The following COIL variants were observed in gnomAD, a reference collection of about 807,000 sequenced individuals.
The protein encoded by COIL is coilin.
Under a neutral mutation model 51.6 loss-of-function variants are expected in COIL, and 28 were observed. The ratio of observed to expected loss-of-function variants is 0.54; its 90% CI spans 0.40 to 0.74. The LOEUF (loss-of-function observed/expected upper bound fraction) is 0.74, where lower values mean the gene tolerates loss of function less well. Among genes scored for constraint, COIL ranks in the 30% least tolerant of loss-of-function variants. The pLI is 0.00. For synonymous variants in COIL, 233 were observed against 255.8 expected (o/e 0.91, Z 0.85); for missense variants, 667 against 685.9 (o/e 0.97, Z 0.31).
At chr17:56,956,887 C>A (rs1046587015) in intron 1 of COIL, among the ~76,000 whole-genome samples, 4 of 152,134 alleles carry the variant, frequency 2.6e-5, no homozygotes, top group Admixed American at 1.3e-4. Context: ...AGACATGGCG[C>A]CCAGCCTTCA....
intron 5 of COIL, among the ~76,000 whole-genome samples, 192 bp from the exon 6 acceptor site, chr17:56,942,315 G>C (rs1303011143): frequency 2.6e-5 from 4 of 152,052 alleles, no homozygotes; most frequent in Non-Finnish European, 5.9e-5. Flanking sequence ...TGGACCAGGG[G>C]GACTTCTCAG....
intron 1 of COIL, among the ~76,000 whole-genome samples, chr17:56,959,236 C>G (rs752967998): frequency 3.3e-5 from 5 of 151,856 alleles, no homozygotes; most frequent in African/African-American, 1.2e-4. Context: ...CCCAACTACT[C>G]GGGAGGCTGA....
chr17:56,950,718 T>C lies in COIL; in HGVS notation c.524A>G (p.Asp175Gly). Residue 175 changes from aspartate to glycine, a missense_variant, in exon 2 of 7, where the codon GAT (aspartate) becomes GGT (glycine). Coordinates refer to ENST00000240316, the MANE Select transcript of COIL (RefSeq NM_004645.3). Reference protein sequence around the residue: ...KNKATCGTVGDDNEEAKRKSP... With the variant: ...KNKATCGTVGGDNEEAKRKSP... ...TTTTCTTTTGGCCTCTTCGTTATCA[T>C]CACCCACTGTGCCACAGGTTGCTTT... The C allele has an allele frequency of 6.2e-7, 1 of 1,613,384 alleles. No individual in the cohort carries two copies. Among genetic ancestry groups the C allele is most frequent in the Non-Finnish European group, 8.5e-7 (1 of 1,179,928 alleles).
At chr17:56,959,867 T>C (rs145337676) in intron 1 of COIL, among the ~76,000 whole-genome samples, 2 of 152,240 alleles carry the variant, frequency 1.3e-5, no homozygotes, top group African/African-American at 4.8e-5. Flanking sequence ...CATCAGGGAT[T>C]TTCCAAGTTT....
intron 1 of COIL, among the ~76,000 whole-genome samples, chr17:56,955,326 A>G (rs1285125269): frequency 6.6e-6 from 1 of 152,160 alleles, no homozygotes; most frequent in Non-Finnish European, 1.5e-5. Context: ...GCCTCCCAAA[A>G]GTGTTAGCAT....
At chr17:56,943,349 T>G (rs953343736) in intron 5 of COIL, among the ~76,000 whole-genome samples, 1 of 152,228 alleles carries the variant, frequency 6.6e-6, no homozygotes, top group Admixed American at 6.5e-5. Context: ...CTTTCCTCAT[T>G]TATGTCAATA....
chr17:56,940,610 T>C (rs1738543469), intron 6 of COIL, among the ~76,000 whole-genome samples: 1 of 152,162 alleles, frequency 6.6e-6, no homozygotes, highest in Admixed American at 6.5e-5. Context: ...TCCCTAAAAG[T>C]GTCATCTACC....
chr17:56,949,315 T>C, intron 4 of COIL, 72 bp downstream of exon 4: 1 of 1,208,520 alleles, frequency 8.3e-7, no homozygotes, highest in Middle Eastern at 2.0e-4. Context: ...GTATTATCCA[T>C]ACAAGTAGTA....
rs771370215 is a variant in COIL at position 56,949,649 on chromosome 17, T to A, written c.1440+32A>T. 16 of 1,583,660 alleles carry A rather than the reference T, an allele frequency of 1.0e-5. 1 individual carries two copies. The South Asian group carries it at 1.7e-4, about 16-fold the overall frequency. On this transcript the variant is annotated intron_variant, in intron 3 of 6. Transcript: ENST00000240316. ...AGTTTATTTGGAAGGGGAATGAACC[T>A]TTTTTGCTGTGACTGTTCTTTTGAA...
Position 56,950,844 on chromosome 17 carries a change from C to T in COIL, c.398G>A (p.Trp133Ter). The T allele has an allele frequency of 6.2e-7, 1 of 1,613,984 alleles. No homozygotes were observed. Among genetic ancestry groups the T allele is most frequent in the African/African-American group, 1.3e-5 (1 of 75,018 alleles). ...EPDCKYSKKH[W>*]KSRENNNNNE... ...ATTGTTATTGTTCTCTCGACTCTTC[C>T]AATGCTTCTTTGAATATTTGCAATC... The change falls in exon 2 of 7, where the codon TGG (tryptophan) becomes TAG (stop). Residue 133 changes from tryptophan to a stop codon, truncating the protein, a stop_gained. Coordinates refer to ENST00000240316, the MANE Select transcript of COIL (RefSeq NM_004645.3). LOFTEE classifies it high-confidence loss of function.
chr17:56,951,313 C>T, intron 1 of COIL: 1 of 223,732 alleles, frequency 4.5e-6, no homozygotes, highest in Admixed American at 5.5e-5. Context: ...ACAGCTCAGA[C>T]AAGTTACTTG....
intron 4 of COIL, among the ~76,000 whole-genome samples, chr17:56,948,693 CT>C (rs1445596822): frequency 3.3e-5 from 5 of 151,028 alleles, no homozygotes; most frequent in Non-Finnish European, 7.4e-5. Flanking sequence ...TTTTACTGAA[CT>C]ATGAAAAACC....
chr17:56,960,537 T>TA (rs71363871), intron 1 of COIL, among the ~76,000 whole-genome samples: 9,309 of 149,358 alleles, frequency 0.062, 388 homozygotes, highest in East Asian at 0.16. Flanking sequence ...AAAAAAAAAA[T>TA]AATAATAAAA....
intron 1 of COIL, among the ~76,000 whole-genome samples, chr17:56,958,427 C>G (rs1365718179): frequency 6.6e-6 from 1 of 152,204 alleles, no homozygotes; most frequent in Non-Finnish European, 1.5e-5. Context: ...CAAAGACGAA[C>G]TTTCCAGATT....
rs746762624 is a variant in COIL at position 56,960,914 on chromosome 17, G to A, written c.106C>T (p.Arg36Ter). ...AGACTAATGAGATCTGTGACGACTCGGCATCTGTTCAAGTCGACCAGAAGC... is the reference window on the plus strand; with the variant it reads ...AGACTAATGAGATCTGTGACGACTCAGCATCTGTTCAAGTCGACCAGAAGC... Reference protein sequence around the residue: ...FWLLVDLNRCRVVTDLISLIR... With the variant: ...FWLLVDLNRC The change falls in exon 1 of 7, where the codon CGA (arginine) becomes TGA (stop). Residue 36 changes from arginine to a stop codon, truncating the protein, a stop_gained. Coordinates refer to ENST00000240316, the MANE Select transcript of COIL (RefSeq NM_004645.3). LOFTEE classifies it high-confidence loss of function. 3 of 1,614,062 alleles carry A rather than the reference G, an allele frequency of 1.9e-6. No homozygotes were observed. The highest frequency in any genetic ancestry group is 3.3e-5 in the Admixed American group (2 of 60,006).
In COIL at chr17:56,952,350, C is replaced by T. The variant is rs929749373; in HGVS notation, c.246-1354G>A. The T allele has an allele frequency of 2.3e-5, 10 of 439,968 alleles. 1 individual carries two copies. The highest frequency in any genetic ancestry group is 8.1e-4 in the Middle Eastern group (1 of 1,234). 27.3% of individuals were successfully genotyped at this position (439,968 alleles called of 1,614,324 possible). On this transcript the variant is annotated intron_variant, in intron 1 of 6. Transcript: ENST00000240316. Reference sequence around the variant, plus strand: ...CAACCTCGGCTGGCATCATAGACCACGAAGAAGCAAGACGAAAACACATAG... The same window carrying T: ...CAACCTCGGCTGGCATCATAGACCATGAAGAAGCAAGACGAAAACACATAG...
At chr17:56,945,826 C>G (rs1264854461) in intron 5 of COIL, among the ~76,000 whole-genome samples, 1 of 152,224 alleles carries the variant, frequency 6.6e-6, no homozygotes, top group Admixed American at 6.5e-5. Context: ...AGCGATTCTC[C>G]TGCCTCAACC....
rs754286343 is a variant in COIL at position 56,950,938 on chromosome 17, T to C, written c.304A>G (p.Ile102Val). The part of the protein sequence containing the change: ...ENSVVISNGD[I>V]NLSLRKAKKR... ...TTTGCTTTTCTAAGAGATAAATTAA[T>C]GTCACCATTACTGATGACTACAGAA... is the stretch of plus-strand genomic sequence containing the variant. The change falls in exon 2 of 7, where the codon ATT becomes GTT. Residue 102 changes from isoleucine to valine, a missense_variant. By Grantham distance (29) the Ile-to-Val change is conservative. Transcript: ENST00000240316. 2 of 1,612,890 alleles carry C rather than the reference T, an allele frequency of 1.2e-6. No homozygotes were observed. The highest frequency in any genetic ancestry group is 1.1e-5 in the South Asian group (1 of 91,058).
chr17:56,960,890 G>A lies in COIL; in HGVS notation c.130C>T (p.Leu44Phe), dbSNP rs1910586195. ...CTGAAGCCGAAGCGCTGGCGGATGAGACTAATGAGATCTGTGACGACTCGG... is the reference window on the plus strand; with the variant it reads ...CTGAAGCCGAAGCGCTGGCGGATGAAACTAATGAGATCTGTGACGACTCGG... Reference protein sequence around the residue: ...RCRVVTDLISLIRQRFGFSSG... With the variant: ...RCRVVTDLISFIRQRFGFSSG... Residue 44 changes from leucine to phenylalanine, a missense_variant, in exon 1 of 7, where the codon CTC becomes TTC. Transcript: ENST00000240316. 6.2e-7 allele frequency: 1 copy of A among 1,614,104 alleles called. No homozygotes were observed. The highest frequency in any genetic ancestry group is 1.7e-5 in the Admixed American group (1 of 60,016).
Sources: allele counts gnomAD v4.1 joint callset (sites outside exome capture counted in the v4.1 genomes callset), GRCh38; gene constraint gnomAD v4.1.1; transcripts MANE v1.5; gene names NCBI Gene and HGNC (gene_info 2026-07-23, HGNC 2026-07-21).